Variants in PRKG1 observed in about 807,000 individuals in gnomAD.
The protein encoded by PRKG1 is cGMP-dependent protein kinase 1.
In PRKG1, 35 loss-of-function variants were observed where a neutral mutation model predicts 88.1. The observed-to-expected ratio is 0.40, with a 90% CI of 0.30 to 0.53. PRKG1 has a LOEUF of 0.53. Among genes scored for constraint, PRKG1 ranks in the 20% least tolerant of loss-of-function variants. The pLI, the probability that PRKG1 is intolerant of heterozygous loss-of-function variation, is 0.59. For synonymous variants in PRKG1, 303 were observed against 292.5 expected (o/e 1.04, Z -0.37); for missense variants, 540 against 839.8 (o/e 0.64, Z 4.41).
chr10:51,842,567 T>C (rs2132781683), intron 4 of PRKG1, among the ~76,000 whole-genome samples: 1 of 152,330 alleles, frequency 6.6e-6, no homozygotes, highest in East Asian at 1.9e-4. Context: ...GTTACTTCTC[T>C]ATGCTATAAG....
At chr10:51,727,108 A>G (rs904437619) in intron 3 of PRKG1, among the ~76,000 whole-genome samples, 1 of 151,850 alleles carries the variant, frequency 6.6e-6, no homozygotes, top group Non-Finnish European at 1.5e-5. Flanking sequence ...GGACTTCTCA[A>G]ATAAATTCCT....
chr10:51,967,568 AG>A (rs144230539), intron 5 of PRKG1, among the ~76,000 whole-genome samples: 16,488 of 151,944 alleles, frequency 0.11, 951 homozygotes, highest in Admixed American at 0.13. Context: ...AAAAAAAAAA[AG>A]ATTGTTTTCT....
chr10:51,338,230 G>A (rs1410198349), intron 2 of PRKG1, among the ~76,000 whole-genome samples: 1 of 152,122 alleles, frequency 6.6e-6, no homozygotes, highest in South Asian at 2.1e-4. Context: ...GGTAAGGGGA[G>A]GGAGAGCATT....
chr10:51,731,153 C>CAACAAACA (rs545948349), intron 3 of PRKG1, among the ~76,000 whole-genome samples: 9 of 151,924 alleles, frequency 5.9e-5, no homozygotes, highest in African/African-American at 2.2e-4. Context: ...CAAAGAAAAA[C>CAACAAACA]AACAAACAAA....
At chr10:51,708,024 A>C (rs1352014800) in intron 3 of PRKG1, among the ~76,000 whole-genome samples, 1 of 152,214 alleles carries the variant, frequency 6.6e-6, no homozygotes, top group Admixed American at 6.5e-5. Context: ...GGTTATTTTC[A>C]TGACATTTTG....
chr10:51,549,770 G>A (rs977992653), intron 3 of PRKG1, among the ~76,000 whole-genome samples: 2 of 152,050 alleles, frequency 1.3e-5, no homozygotes, highest in African/African-American at 4.8e-5. Flanking sequence ...CTAAGGTTTT[G>A]CCAGTTTATG....
intron 4 of PRKG1, among the ~76,000 whole-genome samples, chr10:51,882,147 A>G (rs889531224): frequency 1.5e-4 from 23 of 152,226 alleles, no homozygotes; most frequent in East Asian, 1.3e-3. Flanking sequence ...CAGAAAATGA[A>G]TTAATTAATA....
intron 9 of PRKG1, among the ~76,000 whole-genome samples, chr10:52,229,975 G>A (rs984608303): frequency 2.6e-5 from 4 of 151,884 alleles, no homozygotes; most frequent in Non-Finnish European, 4.4e-5. Flanking sequence ...CCTTTTATTC[G>A]CTGGTACCTG....
intron 2 of PRKG1, among the ~76,000 whole-genome samples, chr10:51,175,481 A>G (rs1837166762): frequency 6.6e-6 from 1 of 152,040 alleles, no homozygotes; most frequent in East Asian, 1.9e-4. Flanking sequence ...ATTTTCAATT[A>G]TAAGATTATC....
chr10:52,293,415 A>C (rs1842309538), intron 17 of PRKG1, among the ~76,000 whole-genome samples: 1 of 152,018 alleles, frequency 6.6e-6, no homozygotes. Flanking sequence ...AAACTACTTT[A>C]AAGTTCATAT....
At chr10:51,155,174 CATCTTAA>C (rs1846175699) in intron 2 of PRKG1, among the ~76,000 whole-genome samples, 1 of 151,962 alleles carries the variant, frequency 6.6e-6, no homozygotes, top group Non-Finnish European at 1.5e-5. Context: ...AATGTTCCTT[CATCTTAA>C]ATATTTCTTA....
Position 51,526,660 on chromosome 10 carries a change from A to G in PRKG1, c.592+58824A>G, listed in dbSNP as rs555984204. Among the ~76,000 whole-genome samples, 440 of 152,276 alleles carry G rather than the reference A, an allele frequency of 2.9e-3. 5 individuals carry two copies. Among genetic ancestry groups the G allele is most frequent in the African/African-American group, 0.01 (421 of 41,568 alleles). ...TGGTCTGCTATTTTAAAACTTTTTT[A>G]AAAATCTCATTTTATTTAGCTAACA... On this transcript the variant is annotated intron_variant, in intron 3 of 17. Coordinates refer to ENST00000373980, the MANE Select transcript of PRKG1 (RefSeq NM_006258.4).
intron 3 of PRKG1, among the ~76,000 whole-genome samples, chr10:51,587,438 A>G (rs1212565538): frequency 1.3e-5 from 2 of 152,174 alleles, no homozygotes; most frequent in East Asian, 3.9e-4. Context: ...CCAAGTGTAC[A>G]TTACAGTGAG....
chr10:51,211,566 C>T (rs1220149720), intron 2 of PRKG1, among the ~76,000 whole-genome samples: 3 of 152,084 alleles, frequency 2.0e-5, no homozygotes, highest in East Asian at 1.9e-4. Context: ...TCTAGAAAAC[C>T]CCATCGTCTC....
intron 2 of PRKG1, among the ~76,000 whole-genome samples, chr10:51,198,574 T>A (rs1201708130): frequency 6.6e-6 from 1 of 152,206 alleles, no homozygotes; most frequent in Non-Finnish European, 1.5e-5. Context: ...TTATGTACAA[T>A]TGATAAAGTA....
intron 3 of PRKG1, among the ~76,000 whole-genome samples, chr10:51,625,825 A>T (rs1008070795): frequency 1.3e-5 from 2 of 152,180 alleles, no homozygotes; most frequent in South Asian, 4.1e-4. Flanking sequence ...AGAGAGTCAC[A>T]GTCAATGAAA....
At chr10:51,411,347 A>G (rs1838083080) in intron 2 of PRKG1, among the ~76,000 whole-genome samples, 1 of 152,322 alleles carries the variant, frequency 6.6e-6, no homozygotes, top group Non-Finnish European at 1.5e-5. Flanking sequence ...ACAGGGTTTA[A>G]TCAACTCGTT....
intron 3 of PRKG1, among the ~76,000 whole-genome samples, chr10:51,489,446 G>A (rs1016743472): frequency 1.5e-4 from 23 of 152,144 alleles, no homozygotes; most frequent in African/African-American, 5.3e-4. Flanking sequence ...CCAACTAGCA[G>A]CATCAGCATC....
At chr10:51,867,765 G>A (rs1334278749) in intron 4 of PRKG1, among the ~76,000 whole-genome samples, 2 of 152,142 alleles carry the variant, frequency 1.3e-5, no homozygotes, top group Non-Finnish European at 2.9e-5. Context: ...ATGATATGCA[G>A]AGTGAATACT....
Sources: gnomAD v4.1 joint callset for allele counts (sites outside exome capture counted in the v4.1 genomes callset) on GRCh38, gnomAD v4.1.1 for gene constraint, MANE v1.5 for transcripts, NCBI Gene and HGNC (gene_info 2026-07-23, HGNC 2026-07-21) for gene names.